GRIA1: variants seen among roughly 807,000 people sequenced by gnomAD.
The protein encoded by GRIA1 is glutamate ionotropic receptor AMPA type subunit 1, also known as glutamate receptor 1.
A neutral mutation model predicts 99.2 loss-of-function variants in GRIA1; 31 were observed. That is an observed-to-expected ratio of 0.31 (90% CI 0.23 to 0.42). GRIA1 has a LOEUF of 0.42. GRIA1 is among the 10% of genes least tolerant of loss of function. GRIA1 has a pLI of 1.00. For missense variants in GRIA1, 782 were observed against 1,157.5 expected (o/e 0.68, Z 4.71); for synonymous variants, 438 against 432.4 (o/e 1.01, Z -0.16).
chr5:153,559,572 A>G (rs1760941424), intron 2 of GRIA1, among the ~76,000 whole-genome samples: 1 of 152,216 alleles, frequency 6.6e-6, no homozygotes, highest in African/African-American at 2.4e-5. Context: ...ATTATCAAGT[A>G]TCATGCACTG....
chr5:153,552,833 T>G (rs1030939741), intron 2 of GRIA1, among the ~76,000 whole-genome samples: 1 of 152,214 alleles, frequency 6.6e-6, no homozygotes, highest in Non-Finnish European at 1.5e-5. Flanking sequence ...GGTCTGTCCT[T>G]TTTCATAAGT....
intron 2 of GRIA1, among the ~76,000 whole-genome samples, chr5:153,628,441 CT>C (rs1330434965): frequency 6.6e-6 from 1 of 152,198 alleles, no homozygotes; most frequent in African/African-American, 2.4e-5. Context: ...CTAGTACCTT[CT>C]TCATGGCATT....
chr5:153,582,097 A>G (rs773270810), intron 2 of GRIA1, among the ~76,000 whole-genome samples: 1 of 152,180 alleles, frequency 6.6e-6, no homozygotes, highest in Non-Finnish European at 1.5e-5. Context: ...AATCTCTAGC[A>G]TGGAAGAATA....
At chr5:153,792,510 C>G (rs1276014958) in intron 13 of GRIA1, among the ~76,000 whole-genome samples, 5 of 152,180 alleles carry the variant, frequency 3.3e-5, no homozygotes, top group African/African-American at 4.8e-5. Flanking sequence ...CACTTCCTCT[C>G]CCACTTTGAG....
At chr5:153,684,938 C>A (rs1757239686) in intron 7 of GRIA1, among the ~76,000 whole-genome samples, 1 of 152,090 alleles carries the variant, frequency 6.6e-6, no homozygotes, top group Admixed American at 6.6e-5. Flanking sequence ...AGAGGGTCAA[C>A]CTCGAAACAG....
At chr5:153,540,367 G>A (rs1317118360) in intron 2 of GRIA1, among the ~76,000 whole-genome samples, 2 of 152,150 alleles carry the variant, frequency 1.3e-5, no homozygotes, top group Non-Finnish European at 2.9e-5. Context: ...TGGATGCCCT[G>A]GATTGAGATC....
At chr5:153,528,977 T>C (rs2113418860) in intron 2 of GRIA1, among the ~76,000 whole-genome samples, 2 of 152,320 alleles carry the variant, frequency 1.3e-5, no homozygotes, top group Middle Eastern at 6.8e-3. Flanking sequence ...TCTCCCCATC[T>C]TTCCGACCTC....
At chr5:153,802,928 A>G (rs1331033278) in intron 15 of GRIA1, among the ~76,000 whole-genome samples, 4 of 152,196 alleles carry the variant, frequency 2.6e-5, no homozygotes, top group African/African-American at 4.8e-5. Flanking sequence ...GCTCCACTCT[A>G]AGAAATAGAC....
chr5:153,540,709 G>A (rs1331371155), intron 2 of GRIA1, among the ~76,000 whole-genome samples: 1 of 152,128 alleles, frequency 6.6e-6, no homozygotes, highest in Non-Finnish European at 1.5e-5. Context: ...CGCAGATGGG[G>A]GAAAGTGCTT....
chr5:153,663,016 C>T (rs1755483356), intron 5 of GRIA1, among the ~76,000 whole-genome samples: 1 of 152,174 alleles, frequency 6.6e-6, no homozygotes, highest in Non-Finnish European at 1.5e-5. Flanking sequence ...AGAGCTGACA[C>T]TGCCCAGAGC....
intron 2 of GRIA1, among the ~76,000 whole-genome samples, chr5:153,633,925 C>T (rs12513984): frequency 0.055 from 8,367 of 152,126 alleles, 261 homozygotes; most frequent in African/African-American, 0.073. Flanking sequence ...TTGCCCTAAT[C>T]AGGGAGATGA....
At chr5:153,715,086 G>T (rs1307112923) in intron 11 of GRIA1, among the ~76,000 whole-genome samples, 1 of 152,190 alleles carries the variant, frequency 6.6e-6, no homozygotes, top group African/African-American at 2.4e-5. Context: ...CTCAATCTCA[G>T]CTACTACTAA....
chr5:153,708,218 G>C (rs1430617298), intron 11 of GRIA1, among the ~76,000 whole-genome samples: 1 of 152,126 alleles, frequency 6.6e-6, no homozygotes, highest in African/African-American at 2.4e-5. Context: ...ATTTGGCAAT[G>C]GTTACCCAAA....
intron 2 of GRIA1, among the ~76,000 whole-genome samples, chr5:153,534,625 T>A (rs1246582319): frequency 1.3e-5 from 2 of 152,202 alleles, no homozygotes; most frequent in African/African-American, 2.4e-5. Context: ...AAAGACAGTA[T>A]CACGTTGTGG....
intron 2 of GRIA1, among the ~76,000 whole-genome samples, chr5:153,518,974 C>T (rs1186287727): frequency 6.6e-6 from 1 of 152,092 alleles, no homozygotes; most frequent in African/African-American, 2.4e-5. Flanking sequence ...GTTAGAAATG[C>T]CAGTTCAAGG....
chr5:153,557,673 G>T (rs1478687749), intron 2 of GRIA1: 1 of 152,076 alleles, frequency 6.6e-6, no homozygotes, highest in Non-Finnish European at 1.5e-5. Context: ...ACAAACTAGA[G>T]AATTTATATC....
At chr5:153,501,112 CA>C (rs1458320197) in intron 2 of GRIA1, among the ~76,000 whole-genome samples, 1 of 152,152 alleles carries the variant, frequency 6.6e-6, no homozygotes, top group East Asian at 1.9e-4. Flanking sequence ...TCCCTTCCAC[CA>C]ACTTGCACAT....
chr5:153,656,383 T>TATATATATATATATATATA (rs1754951606), intron 5 of GRIA1, among the ~76,000 whole-genome samples: 21 of 92,660 alleles, frequency 2.3e-4, no homozygotes, highest in South Asian at 6.8e-4. Context: ...ATAAGTTTGT[T>TATATATATATATATATATA]TATATATATA....
At chr5:153,613,134 C>T (rs1766151640) in intron 2 of GRIA1, among the ~76,000 whole-genome samples, 2 of 151,088 alleles carry the variant, frequency 1.3e-5, no homozygotes, top group Non-Finnish European at 3.0e-5. Flanking sequence ...ATAAAAATTT[C>T]TGTTCCAGGG....
Sources: allele counts gnomAD v4.1 joint callset (sites outside exome capture counted in the v4.1 genomes callset), GRCh38; gene constraint gnomAD v4.1.1; transcripts MANE v1.5; gene names NCBI Gene and HGNC (gene_info 2026-07-23, HGNC 2026-07-21).